The following BCAS3 variants were observed in gnomAD, a reference collection of about 807,000 sequenced individuals.
BCAS3 encodes BCAS4/BCAS3 fusion.
A neutral mutation model predicts 116.1 loss-of-function variants in BCAS3; 53 were observed. That is an observed-to-expected ratio of 0.46 (90% confidence interval 0.37 to 0.57). BCAS3 has a LOEUF of 0.57. Among genes scored for constraint, BCAS3 ranks in the 20% least tolerant of loss-of-function variants. BCAS3 has a pLI of 0.00. For synonymous variants in BCAS3, 391 were observed against 408.2 expected, an observed-to-expected ratio of 0.96 and a Z score of 0.51; for missense variants, 917 against 1,165.4, an observed-to-expected ratio of 0.79 and a Z score of 3.10.
At position 61,380,025 on chromosome 17, in the gene BCAS3, T is replaced by C. The variant is rs187327989; in HGVS notation, c.2593+11531T>C. 25 of 160,512 alleles carry C rather than the reference T, an allele frequency of 1.6e-4. No individual in the cohort carries two copies. In the East Asian group the frequency reaches 4.4e-3, roughly 28 times the overall value. The allele number at this position is 160,512 out of a possible 1,614,324, so 9.9% of individuals were successfully genotyped here. On this transcript the variant is annotated intron_variant, in intron 23 of 23. Coordinates refer to ENST00000407086, the MANE Select transcript of BCAS3 (RefSeq NM_017679.5). The surrounding 1 kb of genome is among the most constrained non-coding windows in gnomAD (Gnocchi z 4.2). The stretch of plus-strand genomic sequence containing the variant: ...CCTGGAGTTTCTCGGTTTCATGCGT[T>C]ATCCATCCCCGACCACTGAGAGCTG...
chr17:60,992,317 T>C (rs1313637369), intron 15 of BCAS3, among the ~76,000 whole-genome samples: 2 of 152,046 alleles, frequency 1.3e-5, no homozygotes, highest in Non-Finnish European at 2.9e-5. Context: ...TGGGACCTCT[T>C]TTTACTCCTG....
intron 5 of BCAS3, among the ~76,000 whole-genome samples, chr17:60,743,622 C>G (rs1277370377): frequency 6.6e-6 from 1 of 151,672 alleles, no homozygotes; most frequent in Non-Finnish European, 1.5e-5. Flanking sequence ...CATTATAAAG[C>G]AGTATTTTTA....
At chr17:61,048,416 T>A (rs142643580) in intron 19 of BCAS3, among the ~76,000 whole-genome samples, 4 of 151,946 alleles carry the variant, frequency 2.6e-5, no homozygotes, top group African/African-American at 4.8e-5. Context: ...GTCTTTGGAG[T>A]TTCTAGGCTG....
rs769997716 is a variant in BCAS3 at position 61,380,520 on chromosome 17, G to T, written c.2594-11457G>T. The T allele has an allele frequency of 1.6e-5, 25 of 1,597,928 alleles. No homozygotes were observed. Among genetic ancestry groups the T allele is most frequent in the African/African-American group, 2.7e-5 (2 of 74,920 alleles). On this transcript the variant is annotated intron_variant, in intron 23 of 23. Transcript: ENST00000407086. This position sits in a 1 kb window ranked among gnomAD's most constrained non-coding sequence, Gnocchi z 4.2. ...TTTCAATACAGACACAGCCCTTGAC[G>T]TAGCAGTAAAAACCTTCCCCCCTGA...
intron 22 of BCAS3, among the ~76,000 whole-genome samples, chr17:61,116,698 T>G (rs2075480677): frequency 6.6e-6 from 1 of 152,204 alleles, no homozygotes; most frequent in Non-Finnish European, 1.5e-5. Context: ...TTCTTAGTCT[T>G]CCTTCATGTG....
At chr17:61,048,658 C>G (rs907636313) in intron 19 of BCAS3, among the ~76,000 whole-genome samples, 2 of 151,952 alleles carry the variant, frequency 1.3e-5, no homozygotes, top group Non-Finnish European at 1.5e-5. Context: ...GACCATATGA[C>G]CCACAAAGCC....
intron 22 of BCAS3, among the ~76,000 whole-genome samples, chr17:61,336,742 G>A (rs1164129421): frequency 6.6e-6 from 1 of 152,194 alleles, no homozygotes; most frequent in African/African-American, 2.4e-5. Flanking sequence ...AGATTTGGGG[G>A]CATGAATGTG....
intron 5 of BCAS3, among the ~76,000 whole-genome samples, chr17:60,722,562 A>T (rs1266286943): frequency 6.6e-6 from 1 of 151,580 alleles, no homozygotes; most frequent in African/African-American, 2.4e-5. Flanking sequence ...AGAGATCAAG[A>T]CCATCCTGGC....
rs1368916352 is a variant in BCAS3 at position 61,023,069 on chromosome 17, C to T, written c.1637+7168C>T. ...GTTTACTACCAGTAATACGATAGGTCTCTTTGGTAGGGAGCAAGTAAAATT... is the reference window on the plus strand; with the variant it reads ...GTTTACTACCAGTAATACGATAGGTTTCTTTGGTAGGGAGCAAGTAAAATT... On this transcript the variant is annotated intron_variant, in intron 16 of 23. Coordinates refer to ENST00000407086, the MANE Select transcript of BCAS3 (RefSeq NM_017679.5). This position sits in a 1 kb window ranked among gnomAD's most constrained non-coding sequence, Gnocchi z 4.8. Among the ~76,000 whole-genome samples the T allele has an allele frequency of 2.0e-5, 3 of 152,138 alleles. No individual in the cohort carries two copies. Among genetic ancestry groups the T allele is most frequent in the Non-Finnish European group, 2.9e-5 (2 of 68,028 alleles).
intron 7 of BCAS3, among the ~76,000 whole-genome samples, chr17:60,842,580 T>C (rs2052049665): frequency 1.3e-5 from 2 of 152,168 alleles, no homozygotes; most frequent in South Asian, 4.1e-4. Context: ...CTGCATACTC[T>C]ACGGGACATG....
At chr17:60,968,525 G>A (rs1297754670) in intron 14 of BCAS3, among the ~76,000 whole-genome samples, 1 of 151,948 alleles carries the variant, frequency 6.6e-6, no homozygotes. Context: ...ATGAGGCAGC[G>A]TGTCTGGCCT....
At position 61,290,065 on chromosome 17, in the gene BCAS3, G is replaced by T. The variant is rs191104061; in HGVS notation, c.2426-78262G>T. 1.3e-5 allele frequency among the ~76,000 whole-genome samples: 2 copies of T among 152,302 alleles called. 1 individual carries two copies. Among genetic ancestry groups the T allele is most frequent in the Admixed American group, 1.3e-4 (2 of 15,292 alleles). On this transcript the variant is annotated intron_variant, in intron 22 of 23. Transcript: ENST00000407086. ...TTACTTGGGTTCGTGTGTGTAAAGG[G>T]AGCATGGGAAGGGAGTGTGGTGGTG...
Position 61,323,306 on chromosome 17 carries a change from A to G in BCAS3, c.2426-45021A>G, listed in dbSNP as rs1033730789. On this transcript the variant is annotated intron_variant, in intron 22 of 23. Coordinates refer to ENST00000407086, the MANE Select transcript of BCAS3 (RefSeq NM_017679.5). This position sits in a 1 kb window ranked among gnomAD's most constrained non-coding sequence, Gnocchi z 4.6. ...GATTATTCTTCTCCTCTGAAATCTC[A>G]CTGGTTGAATATGAATTTATGTGGA... Among the ~76,000 whole-genome samples, 1 of 152,094 alleles carries G rather than the reference A, an allele frequency of 6.6e-6. No homozygotes were observed. Among genetic ancestry groups the G allele is most frequent in the Non-Finnish European group, 1.5e-5 (1 of 68,010 alleles).
At chr17:61,147,728 T>C (rs2077308399) in intron 22 of BCAS3, among the ~76,000 whole-genome samples, 1 of 152,116 alleles carries the variant, frequency 6.6e-6, no homozygotes, top group Non-Finnish European at 1.5e-5. Context: ...GGCTCACGCC[T>C]GTAATCCCAG....
At chr17:60,812,610 C>G (rs1394710058) in intron 7 of BCAS3, among the ~76,000 whole-genome samples, 1 of 152,124 alleles carries the variant, frequency 6.6e-6, no homozygotes, top group Non-Finnish European at 1.5e-5. Context: ...TTGGAGGGCT[C>G]TGCTCTGCTT....
At chr17:61,040,730 C>A in intron 18 of BCAS3, 62 bp from the exon 19 acceptor site, 1 of 1,328,712 alleles carries the variant, frequency 7.5e-7, no homozygotes, top group Non-Finnish European at 1.1e-6. Context: ...TGATGACAGT[C>A]ATGGTGATTT....
At position 60,751,409 on chromosome 17, in the gene BCAS3, A is replaced by T. The variant is rs1296393154; in HGVS notation, c.403+4130A>T. 3.9e-5 allele frequency among the ~76,000 whole-genome samples: 6 copies of T among 152,350 alleles called. 1 individual carries two copies. The highest frequency in any genetic ancestry group is 3.9e-4 in the Admixed American group (6 of 15,296). On this transcript the variant is annotated intron_variant, in intron 6 of 23. Transcript: ENST00000407086. ...ATAAATTTTTCTTATTCATTACTTT[A>T]AGTAGCCATTTTGGCTTTTAGTACC... is the stretch of plus-strand genomic sequence containing the variant.
At chr17:60,943,799 T>C (rs944402743) in intron 13 of BCAS3, among the ~76,000 whole-genome samples, 1 of 152,136 alleles carries the variant, frequency 6.6e-6, no homozygotes. Context: ...AAGTAACTTC[T>C]TGTCATAATG....
chr17:60,818,329 A>G (rs2049623135), intron 7 of BCAS3, among the ~76,000 whole-genome samples: 1 of 152,206 alleles, frequency 6.6e-6, no homozygotes, highest in South Asian at 2.1e-4. Context: ...GTATGTGGAA[A>G]CCAGTTTCCT....
Sources: allele counts gnomAD v4.1 joint callset (sites outside exome capture counted in the v4.1 genomes callset), GRCh38; gene constraint gnomAD v4.1.1; non-coding constraint Gnocchi (gnomAD v3.1); transcripts MANE v1.5; gene names NCBI Gene and HGNC (gene_info 2026-07-23, HGNC 2026-07-21).